GCAT: variants seen among roughly 807,000 people sequenced by gnomAD.
GCAT encodes the protein 2-amino-3-ketobutyrate coenzyme A ligase, mitochondrial.
Under a neutral mutation model 39.7 loss-of-function variants are expected in GCAT, and 26 were observed. The ratio of observed to expected loss-of-function variants is 0.65; its 90% CI spans 0.48 to 0.91. The LOEUF (loss-of-function observed/expected upper bound fraction) is 0.91. Among genes scored for constraint, GCAT ranks in the 40% least tolerant of loss-of-function variants. GCAT has a pLI of 0.00. For missense variants in GCAT, 550 were observed against 576.2 expected (o/e 0.95, Z 0.47); for synonymous variants, 218 against 237.2 (o/e 0.92, Z 0.74).
intron 4 of GCAT, among the ~76,000 whole-genome samples, chr22:37,814,698 A>T (rs983975849): frequency 5.9e-5 from 9 of 152,226 alleles, no homozygotes; most frequent in African/African-American, 2.2e-4. Flanking sequence ...GGGTCTCACT[A>T]TGTTGCCCAG....
chr22:37,815,633 C>G, intron 6 of GCAT, 30 bp from the exon 7 acceptor site: 2 of 1,556,746 alleles, frequency 1.3e-6, no homozygotes, highest in Non-Finnish European at 8.8e-7. Flanking sequence ...CCTGACCAAC[C>G]CCTCCCCCCA....
intron 2 of GCAT, among the ~76,000 whole-genome samples, chr22:37,811,926 GA>G (rs1921646734): frequency 6.7e-6 from 1 of 150,340 alleles, no homozygotes; most frequent in South Asian, 2.1e-4. Flanking sequence ...AATCCTAAGT[GA>G]TAGTTGCTAT....
In GCAT at chr22:37,815,483, C is replaced by T. The variant is rs769733325; in HGVS notation, c.797C>T (p.Ala266Val). ...VTIINSTLGKALGGASGGYTT... is the reference protein window; with the variant it reads ...VTIINSTLGKVLGGASGGYTT... Reference sequence around the variant, plus strand: ...ATCATCAACTCCACCCTGGGGAAGGCCCTGGGTGGAGCATCAGGTACCTGC... The same window carrying T: ...ATCATCAACTCCACCCTGGGGAAGGTCCTGGGTGGAGCATCAGGTACCTGC... Residue 266 changes from alanine (A) to valine (V), a missense_variant, in exon 6 of 9, where the codon GCC becomes GTC. Physicochemically the swap from Ala to Val is moderately conservative, Grantham distance 64 (BLOSUM62 0). Coordinates refer to ENST00000248924, the MANE Select transcript of GCAT (RefSeq NM_014291.4). 3.7e-6 allele frequency: 6 copies of T among 1,607,554 alleles called. No individual in the cohort carries two copies. In the African/African-American group the frequency reaches 5.3e-5, roughly 14 times the overall value.
intron 2 of GCAT, among the ~76,000 whole-genome samples, chr22:37,812,676 G>T (rs1280958480): frequency 6.6e-6 from 1 of 152,156 alleles, no homozygotes; most frequent in Non-Finnish European, 1.5e-5. Flanking sequence ...TCTGCCCAGG[G>T]AGGGAACCTA....
At chr22:37,815,377 T>G in intron 5 of GCAT, 41 bp from the exon 6 acceptor site, 1 of 1,598,692 alleles carries the variant, frequency 6.3e-7, no homozygotes. Context: ...ATCCCTGGGC[T>G]CTCAGGAGGC....
chr22:37,814,975 A>G (rs903433160), intron 4 of GCAT, 151 bp from the exon 5 acceptor site: 2 of 667,394 alleles, frequency 3.0e-6, no homozygotes, highest in Admixed American at 2.6e-5. Flanking sequence ...GAGGGAGAGG[A>G]TGTTCCAGCC....
intron 2 of GCAT, among the ~76,000 whole-genome samples, chr22:37,812,600 A>G (rs930585320): frequency 1.3e-5 from 2 of 152,198 alleles, no homozygotes; most frequent in African/African-American, 4.8e-5. Flanking sequence ...GGTGTTAGGA[A>G]GACACATCTT....
chr22:37,813,250 A>C (rs995563529), intron 3 of GCAT: 4 of 699,650 alleles, frequency 5.7e-6, no homozygotes, highest in Non-Finnish European at 1.1e-5. Flanking sequence ...GGTACTCACC[A>C]AATATATTCT....
At chr22:37,815,384 AG>A (rs1922049699) in intron 5 of GCAT, 33 bp from the exon 6 acceptor site, 8 of 1,600,130 alleles carry the variant, frequency 5.0e-6, no homozygotes, top group Non-Finnish European at 6.0e-6. Flanking sequence ...GGCTCTCAGG[AG>A]GCCAGTGACA....
rs780828969 is a variant in GCAT, at chr22:37,810,113, T to A, written c.283T>A (p.Phe95Ile). 1 of 1,614,024 alleles carries A rather than the reference T, an allele frequency of 6.2e-7. No homozygotes were observed. The highest frequency in any genetic ancestry group is 8.5e-7 in the Non-Finnish European group (1 of 1,179,962). The change falls in exon 2 of 9, where the codon TTT becomes ATT. Residue 95 changes from phenylalanine (F) to isoleucine (I), a missense_variant. Coordinates refer to ENST00000248924, the MANE Select transcript of GCAT (RefSeq NM_014291.4). ...GGCAGGTCTGCAGGCTCTGGAGGAG[T>A]TTGGAGCTGGCCTCAGCTCTGTCCG... is the stretch of plus-strand genomic sequence containing the variant. ...IQAGLQALEE[F>I]GAGLSSVRFI...
chr22:37,810,153 C>A lies in GCAT; in HGVS notation c.323C>A (p.Thr108Asn). The part of the protein sequence containing the change: ...GLSSVRFICG[T>N]QSIHKNLEAK... ...AGCTCTGTCCGCTTTATCTGTGGAA[C>A]CCAGGTACACAGTGAGTGGTGGGGG... The change falls in exon 2 of 9, where the codon ACC (threonine) becomes AAC (asparagine). Residue 108 changes from threonine (T) to asparagine (N), a missense_variant. By Grantham distance (65) the Thr-to-Asn change is moderately conservative. Around this residue, in one of 3 missense-constraint regions of GCAT, gnomAD observed 18 missense variants for 43.8 expected, o/e 0.41. Coordinates refer to ENST00000248924, the MANE Select transcript of GCAT (RefSeq NM_014291.4). 6.2e-7 allele frequency: 1 copy of A among 1,609,044 alleles called. No homozygotes were observed. Among genetic ancestry groups the A allele is most frequent in the African/African-American group, 1.3e-5 (1 of 74,948 alleles).
In GCAT at chr22:37,807,972, G is replaced by C; in HGVS notation, c.5G>C (p.Trp2Ser). Residue 2 changes from tryptophan (W) to serine (S), a missense_variant, in exon 1 of 9, where the codon TGG becomes TCG. Physicochemically the swap from Trp to Ser is radical, Grantham distance 177 (BLOSUM62 -3). Around this residue, in one of 3 missense-constraint regions of GCAT, gnomAD observed 154 missense variants for 141.9 expected, o/e 1.08. Coordinates refer to ENST00000248924, the MANE Select transcript of GCAT (RefSeq NM_014291.4). ...CGCTCGGGCGAGGTAGGAGCGATGTGGCCTGGGAACGCCTGGCGCGCCGCA... is the reference window on the plus strand; with the variant it reads ...CGCTCGGGCGAGGTAGGAGCGATGTCGCCTGGGAACGCCTGGCGCGCCGCA... M[W>S]PGNAWRAALF... The C allele has an allele frequency of 6.5e-7, 1 of 1,532,164 alleles. No homozygotes were observed. The highest frequency in any genetic ancestry group is 8.8e-7 in the Non-Finnish European group (1 of 1,142,752). 94.9% of individuals were successfully genotyped at this position (1,532,164 alleles called of 1,614,324 possible).
rs1240500591 is a variant in GCAT at position 37,807,971 on chromosome 22, T to G, written c.4T>G (p.Trp2Gly). The stretch of plus-strand genomic sequence containing the variant: ...GCGCTCGGGCGAGGTAGGAGCGATG[T>G]GGCCTGGGAACGCCTGGCGCGCCGC... M[W>G]PGNAWRAALF... Residue 2 changes from tryptophan (W) to glycine (G), a missense_variant, in exon 1 of 9, where the codon TGG becomes GGG. Trp to Gly is a radical substitution (Grantham distance 184). Around this residue, in one of 3 missense-constraint regions of GCAT, gnomAD observed 154 missense variants for 141.9 expected, o/e 1.08. Coordinates refer to ENST00000248924, the MANE Select transcript of GCAT (RefSeq NM_014291.4). 9 of 1,527,538 alleles carry G rather than the reference T, an allele frequency of 5.9e-6. No individual in the cohort carries two copies. Among genetic ancestry groups the G allele is most frequent in the Middle Eastern group, 4.4e-4 (2 of 4,566 alleles). 94.6% of individuals were successfully genotyped at this position (1,527,538 alleles called of 1,614,324 possible). A position where few individuals can be genotyped will look rare whatever the true frequency, so the allele number is the denominator to read the frequency against.
At position 37,815,807 on chromosome 22, in the gene GCAT, T is replaced by G. The variant is rs760991465; in HGVS notation, c.959T>G (p.Val320Gly). 32 of 1,613,950 alleles carry G rather than the reference T, an allele frequency of 2.0e-5. No individual in the cohort carries two copies. The highest frequency in any genetic ancestry group is 2.6e-5 in the Non-Finnish European group (31 of 1,179,994). The change falls in exon 7 of 9, where the codon GTC (valine) becomes GGC (glycine). Residue 320 changes from valine to glycine, a missense_variant. By Grantham distance (109) the Val-to-Gly change is moderately radical. Around this residue, in one of 3 missense-constraint regions of GCAT, gnomAD observed 378 missense variants for 390.4 expected, o/e 0.97. Coordinates refer to ENST00000248924, the MANE Select transcript of GCAT (RefSeq NM_014291.4). Reference sequence around the variant, plus strand: ...CTGCTGATGGGGAGTAACACCATTGTCCAGTCTATGGCTGCCAAGACCCAG... The same window carrying G: ...CTGCTGATGGGGAGTAACACCATTGGCCAGTCTATGGCTGCCAAGACCCAG... ...LDLLMGSNTIVQSMAAKTQRF... is the reference protein window; with the variant it reads ...LDLLMGSNTIGQSMAAKTQRF...
At chr22:37,809,563 A>T (rs1186881052) in intron 1 of GCAT, among the ~76,000 whole-genome samples, 1 of 152,146 alleles carries the variant, frequency 6.6e-6, no homozygotes, top group African/African-American at 2.4e-5. Flanking sequence ...CTTGTGCCTG[A>T]AATCGTAGCA....
At position 37,815,199 on chromosome 22, in the gene GCAT, TCTG is replaced by T. The variant is rs1922025853; in HGVS notation, c.655_657del (p.Cys219del). 1 of 1,613,942 alleles carries T rather than the reference TCTG, an allele frequency of 6.2e-7. No homozygotes were observed. The highest frequency in any genetic ancestry group is 8.5e-7 in the Non-Finnish European group (1 of 1,180,004). On this transcript the variant is annotated inframe_deletion, in exon 5 of 9. Transcript: ENST00000248924. ...GGCGACATCGCACCCCTGCAGGAGATCTGCTGCCTCGCCTCTAGATATGGTGCC... is the reference window on the plus strand; with the variant it reads ...GGCGACATCGCACCCCTGCAGGAGATCTGCCTCGCCTCTAGATATGGTGCC...
intron 4 of GCAT, 84 bp from the exon 5 acceptor site, chr22:37,815,042 C>A: frequency 7.2e-7 from 1 of 1,395,090 alleles, no homozygotes; most frequent in East Asian, 2.3e-5. Context: ...GCAGGATGAG[C>A]TCTCAGAGCT....
intron 2 of GCAT, among the ~76,000 whole-genome samples, 172 bp downstream of exon 2, chr22:37,810,329 T>G (rs2145916568): frequency 1.3e-5 from 2 of 152,328 alleles, no homozygotes; most frequent in Middle Eastern, 6.8e-3. Context: ...TGAAAAGCTT[T>G]GGCCAAGGAA....
At position 37,816,667 on chromosome 22, in the gene GCAT, C is replaced by CTGCGTGGAGGCCTTCGTGGAAG; in HGVS notation, c.1212_1233dup (p.Gly412ArgfsTer20). On this transcript the variant is annotated frameshift_variant, in exon 9 of 9. Coordinates refer to ENST00000248924, the MANE Select transcript of GCAT (RefSeq NM_014291.4). LOFTEE classifies it high-confidence loss of function. Reference sequence around the variant, plus strand: ...TGCATAGCGAGGAAGACATTGACCGCTGCGTGGAGGCCTTCGTGGAAGTGG... The same window carrying CTGCGTGGAGGCCTTCGTGGAAG: ...TGCATAGCGAGGAAGACATTGACCGCTGCGTGGAGGCCTTCGTGGAAGTGCGTGGAGGCCTTCGTGGAAGTGG... 1 of 1,614,120 alleles carries CTGCGTGGAGGCCTTCGTGGAAG rather than the reference C, an allele frequency of 6.2e-7. No individual in the cohort carries two copies. Among genetic ancestry groups the CTGCGTGGAGGCCTTCGTGGAAG allele is most frequent in the Admixed American group, 1.7e-5 (1 of 60,030 alleles).
Sources: gnomAD v4.1 joint callset for allele counts (sites outside exome capture counted in the v4.1 genomes callset) on GRCh38, gnomAD v4.1.1 for gene constraint, gnomAD v4.1.1 regional missense constraint, MANE v1.5 for transcripts, NCBI Gene and HGNC (gene_info 2026-07-23, HGNC 2026-07-21) for gene names.